Variants in FAT4 observed in about 807,000 individuals in gnomAD.
FAT4 encodes the protein FAT atypical cadherin 4.
FAT4 carries 84 observed loss-of-function variants against 303.9 expected under a neutral mutation model. That is an observed-to-expected ratio of 0.28 (90% confidence interval 0.23 to 0.33). The LOEUF is 0.33. Among genes scored for constraint, FAT4 ranks in the 10% least tolerant of loss-of-function variants. The pLI, the probability that FAT4 is intolerant of heterozygous loss-of-function variation, is 1.00. For synonymous variants in FAT4, 2,307 were observed against 2,298.8 expected, an observed-to-expected ratio of 1.00 and a Z score of -0.10; for missense variants, 6,005 against 6,146.8, an observed-to-expected ratio of 0.98 and a Z score of 0.77.
intron 16 of FAT4, among the ~76,000 whole-genome samples, chr4:125,484,439 T>A (rs537237832): frequency 2.3e-4 from 35 of 152,298 alleles, no homozygotes; most frequent in African/African-American, 8.4e-4. Context: ...TTATTTCTAC[T>A]CTAAATCAGT....
At chr4:125,360,633 G>A (rs1017820812) in intron 2 of FAT4, among the ~76,000 whole-genome samples, 1 of 152,094 alleles carries the variant, frequency 6.6e-6, no homozygotes, top group African/African-American at 2.4e-5. Context: ...AGGCTGACCA[G>A]CAAAGCCATA....
chr4:125,439,211 C>A (rs1725560833), intron 8 of FAT4, among the ~76,000 whole-genome samples: 1 of 152,138 alleles, frequency 6.6e-6, no homozygotes, highest in South Asian at 2.1e-4. Flanking sequence ...AGATATGTAT[C>A]CCCTTTTCTC....
At chr4:125,322,816 C>T (rs1273551493) in intron 2 of FAT4, among the ~76,000 whole-genome samples, 4 of 151,484 alleles carry the variant, frequency 2.6e-5, no homozygotes, top group Non-Finnish European at 5.9e-5. Context: ...ATATTTATGG[C>T]TTAAAGGACC....
Position 125,317,541 on chromosome 4 carries a change from T to G in FAT4, c.1130T>G (p.Val377Gly). 1 of 1,613,862 alleles carries G rather than the reference T, an allele frequency of 6.2e-7. No homozygotes were observed. Among genetic ancestry groups the G allele is most frequent in the Non-Finnish European group, 8.5e-7 (1 of 1,180,014 alleles). ...VDENAQVGTVVALLTVTDADS... is the reference protein window; with the variant it reads ...VDENAQVGTVGALLTVTDADS... ...GAGAATGCTCAAGTGGGCACCGTGG[T>G]GGCTCTGCTCACCGTGACGGACGCA... Residue 377 changes from valine (V) to glycine (G), a missense_variant, in exon 2 of 18, where the codon GTG (valine) becomes GGG (glycine). Val to Gly is a moderately radical substitution (Grantham distance 109). Coordinates refer to ENST00000394329, the MANE Select transcript of FAT4 (RefSeq NM_001291303.3). The surrounding 1 kb of genome is among the most constrained non-coding windows in gnomAD (Gnocchi z 7.0).
At chr4:125,356,237 C>T (rs1273012771) in intron 2 of FAT4, among the ~76,000 whole-genome samples, 1 of 152,004 alleles carries the variant, frequency 6.6e-6, no homozygotes, top group East Asian at 1.9e-4. Context: ...GCCATCCATA[C>T]ATTTGTATTC....
intron 2 of FAT4, among the ~76,000 whole-genome samples, chr4:125,323,893 A>T (rs544633791): frequency 6.6e-6 from 1 of 152,318 alleles, no homozygotes; most frequent in South Asian, 2.1e-4. Flanking sequence ...TTTCTGGCAG[A>T]GTCATGCTGA....
chr4:125,356,851 T>A (rs549487788), intron 2 of FAT4, among the ~76,000 whole-genome samples: 61 of 151,378 alleles, frequency 4.0e-4, no homozygotes, highest in African/African-American at 1.4e-3. Context: ...TATCTGTATA[T>A]CAATAGATAC....
Position 125,319,228 on chromosome 4 carries a change from G to A in FAT4, c.2817G>A (p.Leu939=), listed in dbSNP as rs1331619391. ...GTCTGAAGCAAAACCCCAAGAACCT[G>A]TTTGCTATCAATGAAAAGAATGGCA... ...LYSLKQNPKN[L]FAINEKNGTI... The change falls in exon 2 of 18, where the codon CTG becomes CTA. Residue 939 remains leucine (L), a synonymous_variant. Coordinates refer to ENST00000394329, the MANE Select transcript of FAT4 (RefSeq NM_001291303.3). The A allele has an allele frequency of 2.5e-6, 4 of 1,614,106 alleles. No individual in the cohort carries two copies. The highest frequency in any genetic ancestry group is 3.4e-6 in the Non-Finnish European group (4 of 1,179,992).
intron 2 of FAT4, among the ~76,000 whole-genome samples, chr4:125,321,866 G>GA (rs891979714): frequency 6.6e-6 from 1 of 152,086 alleles, no homozygotes; most frequent in Non-Finnish European, 1.5e-5. Flanking sequence ...TTTCAGAGGG[G>GA]AAAAAATCCA....
At chr4:125,363,244 T>C (rs1349465653) in intron 2 of FAT4, among the ~76,000 whole-genome samples, 4 of 151,862 alleles carry the variant, frequency 2.6e-5, no homozygotes, top group Admixed American at 2.6e-4. Context: ...TAAAGCAATG[T>C]GTTAATGAAA....
intron 7 of FAT4, among the ~76,000 whole-genome samples, chr4:125,429,598 A>G (rs549386126): frequency 6.6e-6 from 1 of 152,356 alleles, no homozygotes; most frequent in South Asian, 2.1e-4. Context: ...AAGAATACCT[A>G]CTTTATGGAA....
intron 2 of FAT4, among the ~76,000 whole-genome samples, chr4:125,349,655 T>G (rs1732145775): frequency 6.6e-6 from 1 of 151,750 alleles, no homozygotes; most frequent in African/African-American, 2.4e-5. Flanking sequence ...TCAATATATA[T>G]GCCCACTTTT....
At chr4:125,473,247 C>A (rs932200626) in intron 12 of FAT4, among the ~76,000 whole-genome samples, 1 of 152,010 alleles carries the variant, frequency 6.6e-6, no homozygotes, top group Non-Finnish European at 1.5e-5. Context: ...CACATATAAC[C>A]TTTTGAAGTA....
chr4:125,476,307 A>G, intron 13 of FAT4, 51 bp downstream of exon 13: 1 of 982,016 alleles, frequency 1.0e-6, no homozygotes, highest in Non-Finnish European at 1.5e-6. Flanking sequence ...ATTTTTTAAA[A>G]TAAACTTTAT....
chr4:125,477,289 C>T lies in FAT4; in HGVS notation c.12434C>T (p.Pro4145Leu). Residue 4145 changes from proline to leucine, a missense_variant, in exon 14 of 18, where the codon CCT becomes CTT. Pro to Leu is a moderately conservative substitution (Grantham distance 98, BLOSUM62 -3). Coordinates refer to ENST00000394329, the MANE Select transcript of FAT4 (RefSeq NM_001291303.3). ...ATGGAGTTTGCAGTCAATGGAAGGC[C>T]TCTGGAACCCAGCCAAGCTTTGGCA... is the stretch of plus-strand genomic sequence containing the variant. ...CIMEFAVNGR[P>L]LEPSQALAAQ... 1 of 1,584,524 alleles carries T rather than the reference C, an allele frequency of 6.3e-7. No homozygotes were observed.
At chr4:125,417,381 G>A (rs1053804550) in intron 7 of FAT4, among the ~76,000 whole-genome samples, 2 of 152,098 alleles carry the variant, frequency 1.3e-5, no homozygotes, top group African/African-American at 2.4e-5. Flanking sequence ...AAATGTGCAG[G>A]CTGCTCAAGA....
Position 125,418,386 on chromosome 4 carries a change from G to A in FAT4, c.7018+1764G>A, listed in dbSNP as rs546682305. Among the ~76,000 whole-genome samples, 6 of 152,138 alleles carry A rather than the reference G, an allele frequency of 3.9e-5. No homozygotes were observed. The East Asian group carries it at 9.7e-4, about 25-fold the overall frequency. On this transcript the variant is annotated intron_variant, in intron 7 of 17. Transcript: ENST00000394329. ...ACTAAATGTTTCAATGTGGGAGGGAGAAAACATTACCATTTAAACTCTCAT... is the reference window on the plus strand; with the variant it reads ...ACTAAATGTTTCAATGTGGGAGGGAAAAAACATTACCATTTAAACTCTCAT...
chr4:125,401,189 T>C (rs1207431050), intron 3 of FAT4, among the ~76,000 whole-genome samples: 2 of 152,070 alleles, frequency 1.3e-5, no homozygotes, highest in African/African-American at 4.8e-5. Context: ...TTTTAATAAC[T>C]GCTGACTGAC....
chr4:125,453,043 C>A (rs955236788), intron 10 of FAT4, among the ~76,000 whole-genome samples: 1 of 152,044 alleles, frequency 6.6e-6, no homozygotes, highest in Non-Finnish European at 1.5e-5. Context: ...TTTCTATAGG[C>A]AAGGAAGTTG....
Sources: allele counts gnomAD v4.1 joint callset (sites outside exome capture counted in the v4.1 genomes callset), GRCh38; gene constraint gnomAD v4.1.1; non-coding constraint Gnocchi (gnomAD v3.1); transcripts MANE v1.5; gene names NCBI Gene and HGNC (gene_info 2026-07-23, HGNC 2026-07-21).